Variants in PIGN observed in about 807,000 individuals in gnomAD.
PIGN encodes the protein phosphatidylinositol glycan anchor biosynthesis class N, also known as GPI ethanolamine phosphate transferase 1.
A neutral mutation model predicts 125.4 loss-of-function variants in PIGN; 117 were observed. That is an observed-to-expected ratio of 0.93 (90% CI 0.80 to 1.09). PIGN has a LOEUF of 1.09. PIGN is among the 50% of genes least tolerant of loss of function. The pLI, the probability that PIGN is intolerant of heterozygous loss-of-function variation, is 0.00. For synonymous variants in PIGN, 392 were observed against 377.8 expected (o/e 1.04, Z -0.44); for missense variants, 1,075 against 1,094.9 (o/e 0.98, Z 0.26).
At chr18:62,081,522 TTTTG>T (rs1325288912) in intron 28 of PIGN, among the ~76,000 whole-genome samples, 1 of 152,174 alleles carries the variant, frequency 6.6e-6, no homozygotes, top group Non-Finnish European at 1.5e-5. Context: ...TCCTGTTGTG[TTTTG>T]TTTTTCATTG....
intron 14 of PIGN, chr18:62,136,073 T>C (rs1231546972): frequency 6.6e-6 from 1 of 152,200 alleles, no homozygotes; most frequent in Non-Finnish European, 1.5e-5. Flanking sequence ...TCAATCAATA[T>C]TTCTTGAAAA....
Position 62,145,651 on chromosome 18 carries a change from T to C in PIGN, c.922+258A>G, listed in dbSNP as rs140072747. Reference sequence around the variant, plus strand: ...AAATTAATAAATTAATAAAAGAACATCAAAAGTTCAGTTTATCAGTTTAGA... The same window carrying C: ...AAATTAATAAATTAATAAAAGAACACCAAAAGTTCAGTTTATCAGTTTAGA... On this transcript the variant is annotated intron_variant, in intron 10 of 30. Coordinates refer to ENST00000640252, the MANE Select transcript of PIGN (RefSeq NM_176787.5). 6.0e-4 allele frequency among the ~76,000 whole-genome samples: 92 copies of C among 152,282 alleles called. 1 individual carries two copies. The East Asian group carries it at 0.013, about 22-fold the overall frequency.
intron 23 of PIGN, among the ~76,000 whole-genome samples, chr18:62,034,938 T>C (rs1277515040): frequency 6.6e-6 from 1 of 152,158 alleles, no homozygotes; most frequent in Non-Finnish European, 1.5e-5. Flanking sequence ...TGCTATGGTT[T>C]GGCTCTGTGT....
intron 15 of PIGN, 148 bp from the exon 16 acceptor site, chr18:62,113,464 A>C (rs1398280947): frequency 1.7e-6 from 1 of 575,086 alleles, no homozygotes; most frequent in Non-Finnish European, 3.0e-6. Flanking sequence ...AACAGATTTT[A>C]ATTGTTCCAG....
At chr18:62,114,881 T>C (rs530191515) in intron 14 of PIGN, among the ~76,000 whole-genome samples, 1 of 152,216 alleles carries the variant, frequency 6.6e-6, no homozygotes, top group African/African-American at 2.4e-5. Flanking sequence ...GAAAGTCATA[T>C]AATCCATCAT....
intron 23 of PIGN, among the ~76,000 whole-genome samples, chr18:62,033,258 A>C (rs1291049848): frequency 6.6e-6 from 1 of 152,214 alleles, no homozygotes; most frequent in African/African-American, 2.4e-5. Context: ...GAACGCTGAC[A>C]ATCAAAATAA....
chr18:62,154,459 T>G (rs1281926287), intron 7 of PIGN, 86 bp downstream of exon 7: 1 of 727,388 alleles, frequency 1.4e-6, no homozygotes, highest in Non-Finnish European at 2.4e-6. Flanking sequence ...TCAAAGCTCA[T>G]GAAAACAGAA....
chr18:62,072,870 GA>G (rs559586404), intron 29 of PIGN, 145 bp from the exon 30 acceptor site: 24 of 552,502 alleles, frequency 4.3e-5, no homozygotes, highest in Non-Finnish European at 7.5e-5. Context: ...GTCATTTACT[GA>G]AACTTTTGCT....
chr18:62,154,004 C>T (rs1456915129), intron 7 of PIGN: 1 of 152,262 alleles, frequency 6.6e-6, no homozygotes, highest in Non-Finnish European at 1.5e-5. Context: ...TATCGTATTC[C>T]TCATGAAACT....
intron 30 of PIGN, 42 bp downstream of exon 30, chr18:62,072,631 T>G: frequency 2.1e-6 from 3 of 1,456,436 alleles, no homozygotes; most frequent in Non-Finnish European, 2.9e-6. Context: ...TTCTCAGAAC[T>G]TATCCCTGTT....
chr18:62,183,924 G>A (rs1484960625), intron 1 of PIGN, among the ~76,000 whole-genome samples: 1 of 151,290 alleles, frequency 6.6e-6, no homozygotes, highest in African/African-American at 2.4e-5. Context: ...CAAAATATCA[G>A]CATTCACTAA....
At chr18:62,026,340 C>T (rs1005487244) in intron 23 of PIGN, among the ~76,000 whole-genome samples, 2 of 151,632 alleles carry the variant, frequency 1.3e-5, no homozygotes, top group Non-Finnish European at 2.9e-5. Context: ...AAAAAAAGAA[C>T]GGAGCAACCA....
chr18:62,165,200 G>T (rs544457621), intron 1 of PIGN, among the ~76,000 whole-genome samples: 1 of 152,300 alleles, frequency 6.6e-6, no homozygotes, highest in East Asian at 1.9e-4. Context: ...TCCTCCTCCT[G>T]TTCGGTCCCT....
At chr18:62,159,949 C>A (rs2036884338) in intron 4 of PIGN, among the ~76,000 whole-genome samples, 1 of 151,872 alleles carries the variant, frequency 6.6e-6, no homozygotes, top group Non-Finnish European at 1.5e-5. Context: ...CCGTCTCTAC[C>A]AAAAATACAA....
intron 14 of PIGN, among the ~76,000 whole-genome samples, chr18:62,119,410 C>A (rs1044433708): frequency 3.3e-5 from 5 of 152,064 alleles, no homozygotes; most frequent in African/African-American, 1.2e-4. Context: ...TAACAAAGAA[C>A]AGAATCTATT....
chr18:62,132,917 C>T (rs1405454640), intron 14 of PIGN, among the ~76,000 whole-genome samples: 1 of 152,082 alleles, frequency 6.6e-6, no homozygotes, highest in African/African-American at 2.4e-5. Context: ...TGAAACACTA[C>T]CTTCAGTCAA....
At chr18:62,073,240 T>C (rs2032993083) in intron 29 of PIGN, among the ~76,000 whole-genome samples, 1 of 150,870 alleles carries the variant, frequency 6.6e-6, no homozygotes, top group Non-Finnish European at 1.5e-5. Flanking sequence ...CATTGGAAAA[T>C]ATAGGCAATT....
At chr18:62,078,812 C>A (rs1159512239) in intron 28 of PIGN, among the ~76,000 whole-genome samples, 1 of 152,156 alleles carries the variant, frequency 6.6e-6, no homozygotes, top group East Asian at 1.9e-4. Flanking sequence ...AGCTTTTATC[C>A]AATTGATAAT....
intron 1 of PIGN, among the ~76,000 whole-genome samples, chr18:62,168,065 A>ACGTCTGTAAT (rs2037218542): frequency 6.6e-6 from 1 of 151,166 alleles, no homozygotes; most frequent in Admixed American, 6.6e-5. Context: ...GTGGTGGCGC[A>ACGTCTGTAAT]CCCAACCACT....
Sources: gnomAD v4.1 joint callset for allele counts (sites outside exome capture counted in the v4.1 genomes callset) on GRCh38, gnomAD v4.1.1 for gene constraint, MANE v1.5 for transcripts, NCBI Gene and HGNC (gene_info 2026-07-23, HGNC 2026-07-21) for gene names.